ANKS1B: variants seen among roughly 807,000 people sequenced by gnomAD.
ANKS1B encodes ankyrin repeat and sterile alpha motif domain containing 1B, also known as ankyrin repeat and sterile alpha motif domain-containing protein 1B.
In ANKS1B, 36 loss-of-function variants were observed where a neutral mutation model predicts 148.3. That is an observed-to-expected ratio of 0.24 (90% CI 0.19 to 0.32). ANKS1B has a LOEUF of 0.32. Ranked by LOEUF, ANKS1B falls within the 10% of genes least tolerant of loss-of-function variation. The pLI, the probability that ANKS1B is intolerant of heterozygous loss-of-function variation, is 1.00. For missense variants in ANKS1B, 1,157 were observed against 1,542.6 expected, an observed-to-expected ratio of 0.75 and a Z score of 4.19; for synonymous variants, 542 against 560.8, an observed-to-expected ratio of 0.97 and a Z score of 0.47.
intron 15 of ANKS1B, among the ~76,000 whole-genome samples, chr12:99,133,994 G>A (rs180980039): frequency 3.5e-4 from 53 of 152,244 alleles, no homozygotes; most frequent in South Asian, 1.2e-3. Flanking sequence ...AATATACCTC[G>A]TAAGTTTCAG....
chr12:99,348,461 C>T (rs11109806), intron 12 of ANKS1B, among the ~76,000 whole-genome samples: 25,156 of 151,104 alleles, frequency 0.17, 2,349 homozygotes, highest in African/African-American at 0.23. Context: ...AGAAGCCCAA[C>T]AAATACCAAG....
chr12:99,923,692 C>T (rs913619377), intron 1 of ANKS1B, among the ~76,000 whole-genome samples: 1 of 152,096 alleles, frequency 6.6e-6, no homozygotes, highest in African/African-American at 2.4e-5. Flanking sequence ...GAGTTTTTTC[C>T]TAATCCCTCT....
chr12:98,972,438 ACT>A (rs2099884009), intron 17 of ANKS1B, among the ~76,000 whole-genome samples: 1 of 152,196 alleles, frequency 6.6e-6, no homozygotes, highest in Non-Finnish European at 1.5e-5. Context: ...ATCTCGTTTA[ACT>A]CTCTTAACAC....
At chr12:99,818,636 A>G (rs1381930794) in intron 2 of ANKS1B, among the ~76,000 whole-genome samples, 1 of 151,910 alleles carries the variant, frequency 6.6e-6, no homozygotes, top group African/African-American at 2.4e-5. Context: ...ACAAGAAAAT[A>G]GAAAAAATAT....
chr12:99,142,322 A>G (rs1457102172), intron 15 of ANKS1B, among the ~76,000 whole-genome samples: 1 of 152,124 alleles, frequency 6.6e-6, no homozygotes, highest in Non-Finnish European at 1.5e-5. Flanking sequence ...ATTGGTTGCC[A>G]TTTATAAATA....
chr12:99,373,248 A>ATCT (rs2093236094), intron 12 of ANKS1B, among the ~76,000 whole-genome samples: 1 of 152,176 alleles, frequency 6.6e-6, no homozygotes, highest in Non-Finnish European at 1.5e-5. Flanking sequence ...ATGTGCATGT[A>ATCT]ACTGTAAAGA....
intron 22 of ANKS1B, among the ~76,000 whole-genome samples, chr12:98,792,081 T>A (rs2098873925): frequency 6.6e-6 from 1 of 152,196 alleles, no homozygotes; most frequent in Admixed American, 6.5e-5. Flanking sequence ...TGCTTCTGGA[T>A]TGAAAGTTTA....
chr12:99,903,883 T>C lies in ANKS1B; in HGVS notation c.135-78494A>G, dbSNP rs181824464. On this transcript the variant is annotated intron_variant, in intron 1 of 26. Coordinates refer to ENST00000683438, the MANE Select transcript of ANKS1B (RefSeq NM_001352186.2). ...ATACCACCTGTACCACAATAACTTATAGAAAAATTAAAAATAAAAAAAAAT... is the reference window on the plus strand; with the variant it reads ...ATACCACCTGTACCACAATAACTTACAGAAAAATTAAAAATAAAAAAAAAT... Among the ~76,000 whole-genome samples, 8 of 151,974 alleles carry C rather than the reference T, an allele frequency of 5.3e-5. No individual in the cohort carries two copies. In the East Asian group the frequency reaches 9.7e-4, roughly 18 times the overall value.
At chr12:98,924,103 C>T (rs1567810110) in intron 17 of ANKS1B, among the ~76,000 whole-genome samples, 1 of 152,160 alleles carries the variant, frequency 6.6e-6, no homozygotes, top group African/African-American at 2.4e-5. Context: ...ATTCTTCCCT[C>T]AGGATAGGAG....
In ANKS1B at chr12:98,936,355, A is replaced by G. The variant is rs183539837; in HGVS notation, c.2779-104219T>C. ...TTAAAAATGAACAATTTGGCTGGGC[A>G]TGGTGGCTCATGCCTGTAATCCCAG... On this transcript the variant is annotated intron_variant, in intron 17 of 26. Transcript: ENST00000683438. 3.6e-3 allele frequency among the ~76,000 whole-genome samples: 551 copies of G among 152,266 alleles called. 1 individual carries two copies. Among genetic ancestry groups the G allele is most frequent in the Non-Finnish European group, 6.3e-3 (427 of 68,006 alleles).
chr12:99,695,373 A>G (rs2053732004), intron 8 of ANKS1B, among the ~76,000 whole-genome samples: 1 of 152,214 alleles, frequency 6.6e-6, no homozygotes, highest in South Asian at 2.1e-4. Flanking sequence ...AGTAGAACAG[A>G]TATCTCATAA....
At chr12:99,507,626 A>G (rs1374078522) in intron 9 of ANKS1B, among the ~76,000 whole-genome samples, 1 of 151,876 alleles carries the variant, frequency 6.6e-6, no homozygotes, top group Non-Finnish European at 1.5e-5. Flanking sequence ...ATGGAGGGCC[A>G]TAATTTCTTC....
chr12:98,825,437 C>G lies in ANKS1B; in HGVS notation c.3066+3737G>C, dbSNP rs201420. ...TCTTTAGTGCCCCCAGGTAATACTG[C>G]TTTTTTTTAAATCTTAGGCAAGAGC... On this transcript the variant is annotated intron_variant, in intron 19 of 26. Coordinates refer to ENST00000683438, the MANE Select transcript of ANKS1B (RefSeq NM_001352186.2). Among the ~76,000 whole-genome samples the G allele has an allele frequency of 5.7e-3, 873 of 152,084 alleles. 9 individuals are homozygous for G. Among genetic ancestry groups the G allele is most frequent in the African/African-American group, 0.02 (828 of 41,472 alleles).
chr12:99,815,166 G>A (rs2068940649), intron 2 of ANKS1B, among the ~76,000 whole-genome samples: 1 of 151,676 alleles, frequency 6.6e-6, no homozygotes, highest in African/African-American at 2.4e-5. Context: ...CAATCACTTA[G>A]AATTTCATTT....
At chr12:99,020,345 C>A (rs1311476360) in intron 17 of ANKS1B, among the ~76,000 whole-genome samples, 3 of 151,998 alleles carry the variant, frequency 2.0e-5, no homozygotes, top group Non-Finnish European at 4.4e-5. Flanking sequence ...TAATATTTGT[C>A]CTTTTGTGAC....
chr12:99,629,843 C>G (rs574965297), intron 9 of ANKS1B, among the ~76,000 whole-genome samples: 3 of 151,976 alleles, frequency 2.0e-5, no homozygotes, highest in African/African-American at 7.2e-5. Context: ...TTATATCAAC[C>G]CTTCAAGGTA....
In ANKS1B at chr12:99,611,610, A is replaced by G. The variant is rs576633794; in HGVS notation, c.1272+43457T>C. ...GTTTCAGCCAGCCTCCCCTGAGACT[A>G]GGTTTAAGACATCTCCATCTTATGT... is the stretch of plus-strand genomic sequence containing the variant. On this transcript the variant is annotated intron_variant, in intron 9 of 26. Transcript: ENST00000683438. Among the ~76,000 whole-genome samples the G allele has an allele frequency of 6.3e-4, 96 of 152,250 alleles. 1 individual carries two copies. The highest frequency in any genetic ancestry group is 2.2e-3 in the African/African-American group (91 of 41,572).
chr12:99,051,274 C>T (rs949637887), intron 17 of ANKS1B, among the ~76,000 whole-genome samples: 1 of 152,178 alleles, frequency 6.6e-6, no homozygotes, highest in African/African-American at 2.4e-5. Context: ...ATCCTTACTT[C>T]AGTGAAAACA....
intron 8 of ANKS1B, among the ~76,000 whole-genome samples, chr12:99,700,586 CATA>C (rs976110756): frequency 2.0e-5 from 3 of 152,090 alleles, no homozygotes; most frequent in Admixed American, 6.6e-5. Context: ...AACCTCAGCA[CATA>C]ATATTTTTTT....
Sources: allele counts gnomAD v4.1 joint callset (sites outside exome capture counted in the v4.1 genomes callset), GRCh38; gene constraint gnomAD v4.1.1; transcripts MANE v1.5; gene names NCBI Gene and HGNC (gene_info 2026-07-23, HGNC 2026-07-21).